TMEM132C: variants seen among roughly 807,000 people sequenced by gnomAD.
TMEM132C encodes the protein transmembrane protein 132C.
Under a neutral mutation model 61.4 loss-of-function variants are expected in TMEM132C, and 29 were observed. That is an observed-to-expected ratio of 0.47 (90% confidence interval 0.35 to 0.64). TMEM132C has a LOEUF of 0.64. Ranked by LOEUF, TMEM132C falls within the 30% of genes least tolerant of loss-of-function variation. The pLI is 0.00. For synonymous variants in TMEM132C, 656 were observed against 633.1 expected (o/e 1.04, Z -0.54); for missense variants, 1,408 against 1,476.9 (o/e 0.95, Z 0.76).
intron 1 of TMEM132C, among the ~76,000 whole-genome samples, chr12:128,402,450 G>T (rs1018688462): frequency 6.6e-6 from 1 of 152,098 alleles, no homozygotes; most frequent in Non-Finnish European, 1.5e-5. Flanking sequence ...GTGACACTTT[G>T]ATTTTAGACT....
chr12:128,335,521 T>C (rs1355271612), intron 1 of TMEM132C, among the ~76,000 whole-genome samples: 1 of 152,234 alleles, frequency 6.6e-6, no homozygotes, highest in East Asian at 1.9e-4. Context: ...ATCACCAGCA[T>C]TTGTTAAAAT....
rs530720103 is a variant in TMEM132C, at chr12:128,689,960, C to T, written c.1450-3869C>T. 9.8e-5 allele frequency among the ~76,000 whole-genome samples: 15 copies of T among 152,338 alleles called. 1 individual carries two copies. In the South Asian group the frequency reaches 1.9e-3, roughly 19 times the overall value. On this transcript the variant is annotated intron_variant, in intron 5 of 8. Transcript: ENST00000435159. Reference sequence around the variant, plus strand: ...GATGACGATTCAGGCCAGGCTCCCACAGGACATCCGTGGCTGACCGGCAGA... The same window carrying T: ...GATGACGATTCAGGCCAGGCTCCCATAGGACATCCGTGGCTGACCGGCAGA...
chr12:128,311,412 C>T (rs80256299), intron 1 of TMEM132C, among the ~76,000 whole-genome samples: 2,240 of 152,300 alleles, frequency 0.015, 47 homozygotes, highest in African/African-American at 0.049. Context: ...GTTGAGTGTA[C>T]GCCACAGGGG....
intron 2 of TMEM132C, among the ~76,000 whole-genome samples, chr12:128,495,496 C>T (rs1871912772): frequency 6.6e-6 from 1 of 152,138 alleles, no homozygotes; most frequent in Admixed American, 6.6e-5. Context: ...TCTCTAAGGA[C>T]TTGCTTTATG....
rs1953965150 is a variant in TMEM132C at position 128,621,750 on chromosome 12, G to T, written c.1305+5415G>T. Among the ~76,000 whole-genome samples, 3 of 152,332 alleles carry T rather than the reference G, an allele frequency of 2.0e-5. No homozygotes were observed. In the South Asian group the frequency reaches 6.2e-4, roughly 32 times the overall value. On this transcript the variant is annotated intron_variant, in intron 4 of 8. Coordinates refer to ENST00000435159, the MANE Select transcript of TMEM132C (RefSeq NM_001136103.3). Reference sequence around the variant, plus strand: ...ACACACCTGTCCCACTGGGAAGTCTGTTTTCTGTGGTTCTCCTCTCTCTGG... The same window carrying T: ...ACACACCTGTCCCACTGGGAAGTCTTTTTTCTGTGGTTCTCCTCTCTCTGG...
chr12:128,414,986 T>A lies in TMEM132C; in HGVS notation c.340T>A (p.Leu114Met). ...GAAGGTTGTGCCTCTGGACTTGATGTTGACTTCAAACTTTTTAGGTCCAAC... is the reference window on the plus strand; with the variant it reads ...GAAGGTTGTGCCTCTGGACTTGATGATGACTTCAAACTTTTTAGGTCCAAC... ...VEKVVPLDLM[L>M]TSNFLGPTNK... The change falls in exon 2 of 9, where the codon TTG becomes ATG. Residue 114 changes from leucine to methionine, a missense_variant. Physicochemically the swap from Leu to Met is conservative, Grantham distance 15 (BLOSUM62 2). Transcript: ENST00000435159. The A allele has an allele frequency of 6.4e-7, 1 of 1,552,334 alleles. No homozygotes were observed. Among genetic ancestry groups the A allele is most frequent in the South Asian group, 1.2e-5 (1 of 84,078 alleles).
At chr12:128,575,681 C>T (rs1336021495) in intron 3 of TMEM132C, among the ~76,000 whole-genome samples, 1 of 152,146 alleles carries the variant, frequency 6.6e-6, no homozygotes, top group Non-Finnish European at 1.5e-5. Flanking sequence ...CTCCACTGAA[C>T]ATAATTTATT....
rs80041440 is a variant in TMEM132C at position 128,570,882 on chromosome 12, G to A, written c.1121+26779G>A. Among the ~76,000 whole-genome samples the A allele has an allele frequency of 0.025, 3,781 of 152,264 alleles. 137 individuals are homozygous for A. Among genetic ancestry groups the A allele is most frequent in the African/African-American group, 0.084 (3,501 of 41,540 alleles). ...TATATCTCATGGCTGAATGGGACCC[G>A]TAGAGCCACTCCTAGCAATAAGGAA... On this transcript the variant is annotated intron_variant, in intron 3 of 8. Coordinates refer to ENST00000435159, the MANE Select transcript of TMEM132C (RefSeq NM_001136103.3). This position sits in a 1 kb window ranked among gnomAD's most constrained non-coding sequence, Gnocchi z 4.7.
rs143893209 is a variant in TMEM132C, at chr12:128,654,835, G to A, written c.1306-14582G>A. Among the ~76,000 whole-genome samples, 674 of 152,330 alleles carry A rather than the reference G, an allele frequency of 4.4e-3. 3 individuals are homozygous for A. Among genetic ancestry groups the A allele is most frequent in the Non-Finnish European group, 7.8e-3 (528 of 68,034 alleles). Reference sequence around the variant, plus strand: ...GAGGTGACAGAGAAGGCGTAACTAAGAACAGCCTCCCTATGGATGGGCCTG... The same window carrying A: ...GAGGTGACAGAGAAGGCGTAACTAAAAACAGCCTCCCTATGGATGGGCCTG... On this transcript the variant is annotated intron_variant, in intron 4 of 8. Coordinates refer to ENST00000435159, the MANE Select transcript of TMEM132C (RefSeq NM_001136103.3).
rs139757206 is a variant in TMEM132C at position 128,416,083 on chromosome 12, G to T, written c.974+463G>T. On this transcript the variant is annotated intron_variant, in intron 2 of 8. Transcript: ENST00000435159. ...TAGTACCCTTTTTTTTAATTAGGTG[G>T]TGTTAAAGATTGCCAGTTAGTGTCT... Among the ~76,000 whole-genome samples, 3 of 152,244 alleles carry T rather than the reference G, an allele frequency of 2.0e-5. No homozygotes were observed. In the East Asian group the frequency reaches 5.8e-4, roughly 29 times the overall value.
In TMEM132C at chr12:128,551,492, G is replaced by A. The variant is rs191939642; in HGVS notation, c.1121+7389G>A. 2.0e-5 allele frequency among the ~76,000 whole-genome samples: 3 copies of A among 152,294 alleles called. No individual in the cohort carries two copies. The East Asian group carries it at 5.8e-4, about 29-fold the overall frequency. On this transcript the variant is annotated intron_variant, in intron 3 of 8. Coordinates refer to ENST00000435159, the MANE Select transcript of TMEM132C (RefSeq NM_001136103.3). ...TGGGAGAGGTCTGAGCATCTCGGCA[G>A]TCAGGCAAAGTCAGCCAACAATTTA...
chr12:128,569,833 G>C (rs1466327327), intron 3 of TMEM132C, among the ~76,000 whole-genome samples: 1 of 152,172 alleles, frequency 6.6e-6, no homozygotes, highest in Non-Finnish European at 1.5e-5. Context: ...AGCTGCCTCA[G>C]ATAGAGCCCT....
intron 2 of TMEM132C, among the ~76,000 whole-genome samples, chr12:128,523,282 G>A (rs927525569): frequency 3.3e-5 from 5 of 152,270 alleles, no homozygotes; most frequent in Admixed American, 6.5e-5. Context: ...GACTGGTAGT[G>A]TTTAATGGGT....
At chr12:128,687,201 CAAA>C (rs55934804) in intron 5 of TMEM132C, among the ~76,000 whole-genome samples, 1 of 114,466 alleles carries the variant, frequency 8.7e-6, no homozygotes, top group South Asian at 3.3e-4. Context: ...GACTCTGTCT[CAAA>C]AAAAAAAAAA....
At chr12:128,351,777 C>T (rs989258189) in intron 1 of TMEM132C, among the ~76,000 whole-genome samples, 2 of 152,186 alleles carry the variant, frequency 1.3e-5, no homozygotes, top group African/African-American at 2.4e-5. Context: ...CCCTCAGGAT[C>T]CAAACACCTC....
At chr12:128,400,599 GT>G (rs5801795) in intron 1 of TMEM132C, among the ~76,000 whole-genome samples, 87,099 of 140,500 alleles carry the variant, frequency 0.62, 27,055 homozygotes, top group African/African-American at 0.77. Context: ...CCATTCTTTT[GT>G]TTTTTTTTTT....
At position 128,492,967 on chromosome 12, in the gene TMEM132C, G is replaced by C. The variant is rs769449893; in HGVS notation, c.975-50990G>C. Reference sequence around the variant, plus strand: ...GGTATTGCCTAGGTTTTCTTCTAGGGTTTTTATGGTTTTAGGTCTAATATT... The same window carrying C: ...GGTATTGCCTAGGTTTTCTTCTAGGCTTTTTATGGTTTTAGGTCTAATATT... On this transcript the variant is annotated intron_variant, in intron 2 of 8. Coordinates refer to ENST00000435159, the MANE Select transcript of TMEM132C (RefSeq NM_001136103.3). Among the ~76,000 whole-genome samples the C allele has an allele frequency of 3.3e-5, 5 of 152,264 alleles. No individual in the cohort carries two copies. In the Middle Eastern group the frequency reaches 0.014, roughly 414 times the overall value.
chr12:128,644,483 A>C (rs975007819), intron 4 of TMEM132C, among the ~76,000 whole-genome samples: 1 of 152,262 alleles, frequency 6.6e-6, no homozygotes, highest in Non-Finnish European at 1.5e-5. Flanking sequence ...ACTGGGATGA[A>C]GTAAGTGAAG....
At chr12:128,624,929 G>A (rs1252795507) in intron 4 of TMEM132C, among the ~76,000 whole-genome samples, 1 of 152,142 alleles carries the variant, frequency 6.6e-6, no homozygotes, top group African/African-American at 2.4e-5. Context: ...CCACCTGCCA[G>A]CTCACTCTCT....
Sources: gnomAD v4.1 joint callset for allele counts (sites outside exome capture counted in the v4.1 genomes callset) on GRCh38, gnomAD v4.1.1 for gene constraint, Gnocchi (gnomAD v3.1) non-coding constraint, MANE v1.5 for transcripts, NCBI Gene and HGNC (gene_info 2026-07-23, HGNC 2026-07-21) for gene names.